Variants in PLEKHA6 observed in about 807,000 individuals in gnomAD.
The protein encoded by PLEKHA6 is pleckstrin homology domain-containing family A member 6.
PLEKHA6 carries 60 observed loss-of-function variants against 116.7 expected under a neutral mutation model. The observed-to-expected ratio is 0.51, with a 90% CI of 0.42 to 0.64. PLEKHA6 has a LOEUF of 0.64. Ranked by LOEUF, PLEKHA6 falls within the 30% of genes least tolerant of loss-of-function variation. The pLI is 0.00. For missense variants in PLEKHA6, 1,338 were observed against 1,422.7 expected (o/e 0.94, Z 0.96); for synonymous variants, 489 against 556.1 (o/e 0.88, Z 1.70).
intron 1 of PLEKHA6, chr1:204,297,791 G>T: frequency 1.6e-6 from 1 of 614,766 alleles, no homozygotes; most frequent in Non-Finnish European, 2.0e-6. Context: ...CCTCTACATT[G>T]CTAACTATGA....
intron 2 of PLEKHA6, among the ~76,000 whole-genome samples, chr1:204,370,144 A>T (rs970159390): frequency 6.6e-6 from 1 of 152,242 alleles, no homozygotes; most frequent in African/African-American, 2.4e-5. Flanking sequence ...TTTGCTTATT[A>T]GTCAAATGGC....
intron 1 of PLEKHA6, chr1:204,325,992 T>G: frequency 1.4e-6 from 1 of 701,864 alleles, no homozygotes; most frequent in Non-Finnish European, 1.8e-6. Flanking sequence ...GCAAGCCCCA[T>G]TCCTCACCCT....
chr1:204,350,705 C>T (rs971604833), intron 1 of PLEKHA6, among the ~76,000 whole-genome samples: 5 of 152,004 alleles, frequency 3.3e-5, no homozygotes, highest in African/African-American at 1.2e-4. Flanking sequence ...GAGATGGGGG[C>T]GGGGGGAGGA....
At chr1:204,283,715 A>G (rs1668878489) in intron 1 of PLEKHA6, among the ~76,000 whole-genome samples, 1 of 152,236 alleles carries the variant, frequency 6.6e-6, no homozygotes, top group South Asian at 2.1e-4. Context: ...GTCTGCTCCA[A>G]GAACACAGTA....
At chr1:204,241,143 T>C (rs1662749891) in intron 17 of PLEKHA6, among the ~76,000 whole-genome samples, 1 of 152,192 alleles carries the variant, frequency 6.6e-6, no homozygotes, top group Admixed American at 6.5e-5. Context: ...TCTTATTAGT[T>C]CTGTCCCTCT....
In PLEKHA6 at chr1:204,345,062, A is replaced by G. The variant is rs374337761; in HGVS notation, c.-95+14632T>C. 5.3e-4 allele frequency among the ~76,000 whole-genome samples: 80 copies of G among 152,358 alleles called. 1 individual carries two copies. The highest frequency in any genetic ancestry group is 1.9e-3 in the African/African-American group (78 of 41,586). ...AATTGCTGTGGGGAGATACACATTT[A>G]TCGGCGAGAAAGACATATGTGGATG... is the stretch of plus-strand genomic sequence containing the variant. On this transcript the variant is annotated intron_variant, in intron 1 of 22. Transcript: ENST00000272203.
At chr1:204,285,940 G>A (rs1669124342) in intron 1 of PLEKHA6, among the ~76,000 whole-genome samples, 1 of 152,116 alleles carries the variant, frequency 6.6e-6, no homozygotes, top group African/African-American at 2.4e-5. Flanking sequence ...GGAGGAGGAG[G>A]AAAGGGAGGT....
At chr1:204,283,132 A>G (rs1419152336) in intron 1 of PLEKHA6, among the ~76,000 whole-genome samples, 1 of 152,204 alleles carries the variant, frequency 6.6e-6, no homozygotes, top group African/African-American at 2.4e-5. Context: ...ATGTCTCTGC[A>G]TCCCTAACTC....
Position 204,230,442 on chromosome 1 carries a change from C to T in PLEKHA6, c.2554G>A (p.Asp852Asn), listed in dbSNP as rs150890951. ...TTGTAGGCTGGCCGGGGACTGGGGT[C>T]GGGGGCCGGGCTGGCCGGGAGCTGC... ...SLQLPASPAP[D>N]PSPRPAYKVV... Residue 852 changes from aspartate (D) to asparagine (N), a missense_variant, in exon 18 of 23, where the codon GAC (aspartate) becomes AAC (asparagine). Asp to Asn is a conservative substitution (Grantham distance 23). Transcript: ENST00000272203. The T allele has an allele frequency of 1.3e-5, 20 of 1,584,822 alleles. No individual in the cohort carries two copies. Among genetic ancestry groups the T allele is most frequent in the Middle Eastern group, 1.8e-4 (1 of 5,466 alleles).
In PLEKHA6 at chr1:204,238,997, T is replaced by C. The variant is rs75562262; in HGVS notation, c.2409+2378A>G. On this transcript the variant is annotated intron_variant, in intron 17 of 22. Coordinates refer to ENST00000272203, the MANE Select transcript of PLEKHA6 (RefSeq NM_014935.5). This position sits in a 1 kb window ranked among gnomAD's most constrained non-coding sequence, Gnocchi z 4.2. ...GATGGTCAGGGACTTTGAAGAAGTA[T>C]GACTGGAAAATTGGTGACAAAGAAA... 0.017 allele frequency among the ~76,000 whole-genome samples: 2,607 copies of C among 152,326 alleles called. 70 individuals carry two copies. Among genetic ancestry groups the C allele is most frequent in the African/African-American group, 0.058 (2,401 of 41,574 alleles).
At chr1:204,250,457 G>A in intron 10 of PLEKHA6, 89 bp downstream of exon 10, 3 of 880,888 alleles carry the variant, frequency 3.4e-6, no homozygotes, top group East Asian at 2.4e-5. Context: ...CCCCGCAGAG[G>A]AAGAGAGATG....
At chr1:204,284,964 T>C (rs1408560219) in intron 1 of PLEKHA6, among the ~76,000 whole-genome samples, 1 of 152,178 alleles carries the variant, frequency 6.6e-6, no homozygotes, top group Non-Finnish European at 1.5e-5. Flanking sequence ...ATACAATAAA[T>C]AGCACTATCC....
At chr1:204,330,341 A>G (rs967199442) in intron 1 of PLEKHA6, among the ~76,000 whole-genome samples, 9 of 152,170 alleles carry the variant, frequency 5.9e-5, no homozygotes, top group Non-Finnish European at 1.2e-4. Context: ...GCTGTCTAGG[A>G]TTTGCTTCAA....
chr1:204,324,345 CAA>C (rs1672168385), intron 1 of PLEKHA6, among the ~76,000 whole-genome samples: 1 of 151,914 alleles, frequency 6.6e-6, no homozygotes, highest in Non-Finnish European at 1.5e-5. Flanking sequence ...TCACTGGGCA[CAA>C]AGACATGCTG....
intron 1 of PLEKHA6, among the ~76,000 whole-genome samples, chr1:204,327,535 C>T (rs749282884): frequency 6.6e-6 from 1 of 152,262 alleles, no homozygotes. Flanking sequence ...AGAGCCCCGT[C>T]GTTGATTGGC....
At chr1:204,244,167 C>A (rs886359449) in intron 15 of PLEKHA6, among the ~76,000 whole-genome samples, 3 of 151,726 alleles carry the variant, frequency 2.0e-5, no homozygotes, top group Admixed American at 6.6e-5. Context: ...GAGTCTCCCT[C>A]TGTCACCAGG....
chr1:204,240,397 G>C (rs1311336190), intron 17 of PLEKHA6, among the ~76,000 whole-genome samples: 1 of 152,254 alleles, frequency 6.6e-6, no homozygotes, highest in African/African-American at 2.4e-5. Context: ...TATCTGCTAT[G>C]ACCACGTGAC....
At chr1:204,364,281 A>C (rs138568795), upstream of PLEKHA6, among the ~76,000 whole-genome samples, 47 of 152,334 alleles carry the variant, frequency 3.1e-4, no homozygotes, top group African/African-American at 7.7e-4. Context: ...TCGTTCATTC[A>C]TTCACTCACT....
In PLEKHA6 at chr1:204,259,158, G is replaced by C; in HGVS notation, c.1007+100C>G. 1 of 1,376,120 alleles carries C rather than the reference G, an allele frequency of 7.3e-7. No individual in the cohort carries two copies. The highest frequency in any genetic ancestry group is 9.8e-7 in the Non-Finnish European group (1 of 1,018,340). 85.2% of individuals were successfully genotyped at this position (1,376,120 alleles called of 1,614,324 possible). A position where few individuals can be genotyped will look rare whatever the true frequency, so the allele number is the denominator to read the frequency against. On this transcript the variant is annotated intron_variant, in intron 8 of 22. Coordinates refer to ENST00000272203, the MANE Select transcript of PLEKHA6 (RefSeq NM_014935.5). The surrounding 1 kb of genome is among the most constrained non-coding windows in gnomAD (Gnocchi z 4.6). ...GGTTTCCCAACTCAGCCTGCTTCCAGAAGGTTTCCAACAGGGGATGCCTCG... is the reference window on the plus strand; with the variant it reads ...GGTTTCCCAACTCAGCCTGCTTCCACAAGGTTTCCAACAGGGGATGCCTCG...
Sources: allele counts gnomAD v4.1 joint callset (sites outside exome capture counted in the v4.1 genomes callset), GRCh38; gene constraint gnomAD v4.1.1; non-coding constraint Gnocchi (gnomAD v3.1); transcripts MANE v1.5; gene names NCBI Gene and HGNC (gene_info 2026-07-23, HGNC 2026-07-21).